NAT10: variants seen among roughly 807,000 people sequenced by gnomAD.
NAT10 encodes the protein N-acetyltransferase 10.
Under a neutral mutation model 132.2 loss-of-function variants are expected in NAT10, and 109 were observed. That is an observed-to-expected ratio of 0.82 (90% confidence interval 0.71 to 0.97). NAT10 has a LOEUF of 0.97. NAT10 is among the 50% of genes least tolerant of loss of function. NAT10 has a pLI of 0.00. For missense variants in NAT10, 1,184 were observed against 1,263.4 expected, an observed-to-expected ratio of 0.94 and a Z score of 0.95; for synonymous variants, 479 against 478.0, an observed-to-expected ratio of 1.00 and a Z score of -0.03.
intron 4 of NAT10, 73 bp downstream of exon 4, chr11:34,112,296 G>A (rs567315103): frequency 1.4e-5 from 21 of 1,551,228 alleles, no homozygotes; most frequent in Non-Finnish European, 1.9e-5. Flanking sequence ...GCTTTCCACT[G>A]GGAACAGATG....
intron 28 of NAT10, among the ~76,000 whole-genome samples, chr11:34,143,994 G>A (rs1395419816): frequency 1.3e-5 from 2 of 152,234 alleles, no homozygotes; most frequent in East Asian, 1.9e-4. Context: ...TTTCTCCACT[G>A]CAAGGCCATA....
chr11:34,130,460 T>C (rs1852084775), intron 12 of NAT10, among the ~76,000 whole-genome samples: 1 of 152,234 alleles, frequency 6.6e-6, no homozygotes, highest in African/African-American at 2.4e-5. Context: ...AAGGCTTTAC[T>C]TACATCCTTT....
chr11:34,142,356 T>A lies in NAT10; in HGVS notation c.2885+8T>A. On this transcript the variant is annotated splice_region_variant and intron_variant, in intron 27 of 28. Transcript: ENST00000257829. The stretch of plus-strand genomic sequence containing the variant: ...GAGCATGGACCTCTCTGAGTAAGGC[T>A]TGTGGGAAGCAGAGGGTTTGCCTTG... 6.2e-7 allele frequency: 1 copy of A among 1,613,680 alleles called. No homozygotes were observed. Among genetic ancestry groups the A allele is most frequent in the Non-Finnish European group, 8.5e-7 (1 of 1,179,664 alleles).
At chr11:34,123,999 G>GT (rs2132952527) in intron 10 of NAT10, 144 bp downstream of exon 10, 1 of 623,268 alleles carries the variant, frequency 1.6e-6, no homozygotes, top group East Asian at 3.0e-5. Flanking sequence ...GAGAAACCCC[G>GT]TCTCTACTAA....
Position 34,146,414 on chromosome 11 carries a change from T to G in NAT10, c.*222T>G, listed in dbSNP as rs1852442764. 1 of 441,768 alleles carries G rather than the reference T, an allele frequency of 2.3e-6. No homozygotes were observed. Among genetic ancestry groups the G allele is most frequent in the Admixed American group, 4.1e-5 (1 of 24,488 alleles). 27.4% of individuals were successfully genotyped at this position (441,768 alleles called of 1,614,324 possible). The stretch of plus-strand genomic sequence containing the variant: ...AACTTGATGGCTGGGCACTGCCATC[T>G]CTAGAATTGCCACGAGTCTCTCTCT... On this transcript the variant is annotated 3_prime_UTR_variant, in exon 29 of 29. Transcript: ENST00000257829.
Position 34,136,705 on chromosome 11 carries a change from T to C in NAT10, c.2092T>C (p.Leu698=). Residue 698 remains leucine, a synonymous_variant, in exon 20 of 29, where the codon TTG becomes CTG. Coordinates refer to ENST00000257829, the MANE Select transcript of NAT10 (RefSeq NM_024662.3). ...GGACCTGCCTCCTTTACTCCTCAAA[T>C]TGAATGAGAGGCCTGCCGAACGCCT... ...RKDLPPLLLK[L]NERPAERLDY... 3 of 1,614,142 alleles carry C rather than the reference T, an allele frequency of 1.9e-6. No individual in the cohort carries two copies. The highest frequency in any genetic ancestry group is 2.5e-6 in the Non-Finnish European group (3 of 1,180,020).
chr11:34,124,217 G>A, intron 10 of NAT10, 85 bp from the exon 11 acceptor site: 1 of 863,752 alleles, frequency 1.2e-6, no homozygotes, highest in Non-Finnish European at 1.8e-6. Flanking sequence ...TCCAAGTGAA[G>A]TCTTTAGAAT....
At chr11:34,118,110 G>A in intron 6 of NAT10, 70 bp from the exon 7 acceptor site, 1 of 1,302,436 alleles carries the variant, frequency 7.7e-7, no homozygotes, top group South Asian at 1.3e-5. Flanking sequence ...TTTTTTTGAA[G>A]AAAAGTTATA....
At chr11:34,120,827 TG>T (rs1372148040) in intron 8 of NAT10, among the ~76,000 whole-genome samples, 15 of 151,790 alleles carry the variant, frequency 9.9e-5, no homozygotes, top group African/African-American at 3.6e-4. Context: ...CAGATGAGGG[TG>T]GGGCGCTGTG....
At chr11:34,144,666 CTCCAAGCTTCTT>C (rs1217765123) in intron 28 of NAT10, among the ~76,000 whole-genome samples, 2 of 152,214 alleles carry the variant, frequency 1.3e-5, no homozygotes, top group East Asian at 3.8e-4. Flanking sequence ...AAAATCTTCA[CTCCAAGCTTCTT>C]ATCTGCAGAG....
chr11:34,107,671 T>A (rs1206004495), intron 1 of NAT10, among the ~76,000 whole-genome samples: 1 of 152,250 alleles, frequency 6.6e-6, no homozygotes, highest in Admixed American at 6.5e-5. Flanking sequence ...CTCACACCTG[T>A]AATCCCAGCC....
intron 6 of NAT10, among the ~76,000 whole-genome samples, chr11:34,116,420 T>G (rs1851783938): frequency 1.3e-5 from 2 of 152,122 alleles, no homozygotes; most frequent in Admixed American, 1.3e-4. Context: ...ATTTTTATTT[T>G]ATTTATTTAT....
chr11:34,122,638 G>A (rs1478701493), intron 9 of NAT10, 46 bp downstream of exon 9: 2 of 1,605,892 alleles, frequency 1.2e-6, no homozygotes, highest in Non-Finnish European at 1.7e-6. Context: ...GGGCTCTGTG[G>A]GGGTAGTGTG....
chr11:34,140,351 T>G, intron 23 of NAT10, 49 bp from the exon 24 acceptor site: 1 of 1,570,198 alleles, frequency 6.4e-7, no homozygotes, highest in Non-Finnish European at 8.7e-7. Context: ...TGCTATCTCA[T>G]GAGGGCGCCG....
At chr11:34,109,101 G>A (rs1851648426) in intron 3 of NAT10, among the ~76,000 whole-genome samples, 1 of 152,120 alleles carries the variant, frequency 6.6e-6, no homozygotes, top group South Asian at 2.1e-4. Context: ...CTCATTGCAA[G>A]TTCCTTCAAA....
intron 26 of NAT10, chr11:34,142,022 G>C (rs1852343610): frequency 3.2e-6 from 2 of 622,812 alleles, no homozygotes; most frequent in East Asian, 5.5e-5. Context: ...CACTGATTGT[G>C]TGTGTGTGTT....
intron 28 of NAT10, among the ~76,000 whole-genome samples, chr11:34,144,990 G>T (rs754159945): frequency 6.6e-6 from 1 of 152,222 alleles, no homozygotes; most frequent in Admixed American, 6.5e-5. Context: ...ATCGATGCCG[G>T]CCTCATTTCC....
At chr11:34,123,922 C>A in intron 10 of NAT10, 67 bp downstream of exon 10, 1 of 1,319,978 alleles carries the variant, frequency 7.6e-7, no homozygotes, top group Non-Finnish European at 1.1e-6. Context: ...GTAATCCCAG[C>A]ACTTTGGGAG....
Position 34,108,795 on chromosome 11 carries a change from A to G in NAT10, c.162A>G (p.Ser54=), listed in dbSNP as rs11552143. The change falls in exon 3 of 29, where the codon TCA becomes TCG. Residue 54 remains serine, a synonymous_variant. Transcript: ENST00000257829. The part of the protein sequence containing the change: ...LSKATVKARP[S]VLWCYKKELG... ...AAGCAACTGTGAAGGCTCGGCCTTCAGTGCTGTGGTGTTATAAGAAAGAGC... is the reference window on the plus strand; with the variant it reads ...AAGCAACTGTGAAGGCTCGGCCTTCGGTGCTGTGGTGTTATAAGAAAGAGC... 136,597 of 1,613,682 alleles carry G rather than the reference A, an allele frequency of 0.085. 6,299 individuals are homozygous for G. Among genetic ancestry groups the G allele is most frequent in the Middle Eastern group, 0.11 (678 of 6,054 alleles).
Sources: gnomAD v4.1 joint callset for allele counts (sites outside exome capture counted in the v4.1 genomes callset) on GRCh38, gnomAD v4.1.1 for gene constraint, MANE v1.5 for transcripts, NCBI Gene and HGNC (gene_info 2026-07-23, HGNC 2026-07-21) for gene names.